The following TPRG1 variants were observed in gnomAD, a reference collection of about 807,000 sequenced individuals.
The protein encoded by TPRG1 is tumor protein p63 regulated 1, also known as tumor protein p63-regulated gene 1 protein.
TPRG1 carries 29 observed loss-of-function variants against 29.3 expected under a neutral mutation model. That is an observed-to-expected ratio of 0.99 (90% CI 0.74 to 1.35). TPRG1 has a LOEUF of 1.35. TPRG1 is among the 40% of genes most tolerant of loss of function. TPRG1 has a pLI of 0.00. For synonymous variants in TPRG1, 130 were observed against 116.8 expected, an observed-to-expected ratio of 1.11 and a Z score of -0.73; for missense variants, 327 against 335.0, an observed-to-expected ratio of 0.98 and a Z score of 0.19.
intron 1 of TPRG1, among the ~76,000 whole-genome samples, chr3:189,182,051 C>G (rs1299586717): frequency 6.6e-6 from 1 of 152,204 alleles, no homozygotes; most frequent in African/African-American, 2.4e-5. Flanking sequence ...TATTCACTAT[C>G]ATGAGAAAGA....
intron 4 of TPRG1, among the ~76,000 whole-genome samples, chr3:189,084,397 A>G (rs1226137129): frequency 1.3e-5 from 2 of 152,204 alleles, no homozygotes; most frequent in African/African-American, 4.8e-5. Flanking sequence ...ATAAGGAGCC[A>G]TCCTTTGAGA....
chr3:189,124,030 G>A (rs910743912), intron 1 of TPRG1, among the ~76,000 whole-genome samples: 6 of 152,102 alleles, frequency 3.9e-5, no homozygotes, highest in African/African-American at 7.2e-5. Flanking sequence ...TCTTTACTTC[G>A]TTGTACGTGT....
At chr3:189,266,391 C>T (rs1714088281) in intron 4 of TPRG1, among the ~76,000 whole-genome samples, 1 of 152,156 alleles carries the variant, frequency 6.6e-6, no homozygotes, top group Non-Finnish European at 1.5e-5. Flanking sequence ...GCAGTCAGAA[C>T]TACAGTCTGT....
At chr3:189,138,670 A>G (rs1724099335) in intron 3 of TPRG1, among the ~76,000 whole-genome samples, 1 of 152,192 alleles carries the variant, frequency 6.6e-6, no homozygotes, top group African/African-American at 2.4e-5. Flanking sequence ...CTTTGGCTAG[A>G]ACTTAGCCAC....
At chr3:189,115,222 G>A (rs1486161758) in intron 1 of TPRG1, among the ~76,000 whole-genome samples, 1 of 152,170 alleles carries the variant, frequency 6.6e-6, no homozygotes, top group Non-Finnish European at 1.5e-5. Context: ...TGTCAGTTCT[G>A]GAATTATTTC....
chr3:189,223,153 G>A (rs1039557897), intron 3 of TPRG1, among the ~76,000 whole-genome samples: 3 of 152,156 alleles, frequency 2.0e-5, no homozygotes, highest in African/African-American at 4.8e-5. Flanking sequence ...ACATGATTGG[G>A]CTCAGAACTT....
chr3:189,160,141 G>C (rs1365950816), intron 5 of TPRG1, among the ~76,000 whole-genome samples: 3 of 152,146 alleles, frequency 2.0e-5, no homozygotes, highest in Admixed American at 2.0e-4. Flanking sequence ...GGAAGCTTAA[G>C]TATGTCAGCA....
At chr3:189,297,378 A>G (rs1273789748) in intron 4 of TPRG1, among the ~76,000 whole-genome samples, 1 of 152,148 alleles carries the variant, frequency 6.6e-6, no homozygotes, top group Non-Finnish European at 1.5e-5. Flanking sequence ...CTAGGTGCAT[A>G]GTTTAGATGA....
intron 4 of TPRG1, among the ~76,000 whole-genome samples, chr3:189,267,994 C>A (rs182455454): frequency 6.6e-6 from 1 of 152,174 alleles, no homozygotes; most frequent in East Asian, 1.9e-4. Context: ...TGAGAGGTTA[C>A]ATATAAGATT....
At chr3:188,999,505 T>C (rs1711933586) in intron 1 of TPRG1, among the ~76,000 whole-genome samples, 1 of 152,212 alleles carries the variant, frequency 6.6e-6, no homozygotes, top group African/African-American at 2.4e-5. Context: ...GGAGCCACAC[T>C]GCTTAACTGC....
chr3:189,035,051 C>T (rs566518744), intron 4 of TPRG1, among the ~76,000 whole-genome samples: 126 of 152,100 alleles, frequency 8.3e-4, no homozygotes, highest in African/African-American at 2.6e-3. Flanking sequence ...TACAAGGCTA[C>T]GGTAACAAAA....
chr3:189,110,971 T>G (rs1456396830), intron 1 of TPRG1, among the ~76,000 whole-genome samples: 4 of 151,860 alleles, frequency 2.6e-5, no homozygotes, highest in Admixed American at 6.6e-5. Context: ...GTTTGACTAT[T>G]ACAGCTTTAA....
intron 4 of TPRG1, among the ~76,000 whole-genome samples, chr3:189,040,396 A>G (rs1491003736): frequency 6.6e-6 from 1 of 152,162 alleles, no homozygotes; most frequent in Non-Finnish European, 1.5e-5. Context: ...TTTGGTTGCC[A>G]AAATGTTTGT....
chr3:189,085,915 G>T (rs903121179), intron 4 of TPRG1, among the ~76,000 whole-genome samples: 23 of 152,144 alleles, frequency 1.5e-4, no homozygotes, highest in Non-Finnish European at 2.8e-4. Context: ...ATTAGTCAGG[G>T]TTCTCTAGAG....
At chr3:189,252,489 G>A (rs1742443959) in intron 4 of TPRG1, among the ~76,000 whole-genome samples, 1 of 152,022 alleles carries the variant, frequency 6.6e-6, no homozygotes, top group African/African-American at 2.4e-5. Context: ...ATCATAATTG[G>A]ATTTATTCCA....
intron 1 of TPRG1, among the ~76,000 whole-genome samples, chr3:188,999,585 TGAG>T (rs1284767897): frequency 3.3e-5 from 5 of 152,114 alleles, no homozygotes; most frequent in African/African-American, 1.2e-4. Context: ...TTTTTTCTTA[TGAG>T]GAGAATAAGT....
At chr3:189,022,494 T>A (rs1299888061) in intron 3 of TPRG1, among the ~76,000 whole-genome samples, 30 of 151,672 alleles carry the variant, frequency 2.0e-4, no homozygotes, top group East Asian at 1.2e-3. Flanking sequence ...CCCTGCAGTG[T>A]GAGGTGTCAG....
intron 3 of TPRG1, among the ~76,000 whole-genome samples, chr3:189,139,357 A>T (rs1190390702): frequency 6.6e-6 from 1 of 152,128 alleles, no homozygotes; most frequent in African/African-American, 2.4e-5. Flanking sequence ...CCAGCCCTGG[A>T]CTGGGGGCCA....
intron 2 of TPRG1, among the ~76,000 whole-genome samples, chr3:189,129,942 A>G (rs564721625): frequency 7.9e-5 from 12 of 152,344 alleles, no homozygotes; most frequent in African/African-American, 2.9e-4. Flanking sequence ...AAAAAATCTC[A>G]TGGAGGCTGA....
Sources: gnomAD v4.1 joint callset for allele counts (sites outside exome capture counted in the v4.1 genomes callset) on GRCh38, gnomAD v4.1.1 for gene constraint, MANE v1.5 for transcripts, NCBI Gene and HGNC (gene_info 2026-07-23, HGNC 2026-07-21) for gene names.